The following AVEN variants were observed in gnomAD, a reference collection of about 807,000 sequenced individuals.
AVEN encodes cell death regulator Aven.
Under a neutral mutation model 38.1 loss-of-function variants are expected in AVEN, and 41 were observed. The ratio of observed to expected loss-of-function variants is 1.08; its 90% CI spans 0.84 to 1.40. The LOEUF (loss-of-function observed/expected upper bound fraction) is 1.40, where lower values mean the gene tolerates loss of function less well. Ranked by LOEUF, AVEN falls within the 40% of genes most tolerant of loss-of-function variation. AVEN has a pLI of 0.00. For missense variants in AVEN, 605 were observed against 438.8 expected, an observed-to-expected ratio of 1.38 and a Z score of -3.38; for synonymous variants, 206 against 171.8, an observed-to-expected ratio of 1.20 and a Z score of -1.56.
intron 2 of AVEN, among the ~76,000 whole-genome samples, chr15:33,896,893 T>C (rs571381858): frequency 6.6e-6 from 1 of 152,350 alleles, no homozygotes; most frequent in African/African-American, 2.4e-5. Context: ...AAAAGGTAGA[T>C]ATTGTGCCCA....
the AVEN span, chr15:33,853,470 G>T: frequency 6.7e-7 from 1 of 1,503,186 alleles, no homozygotes; most frequent in South Asian, 1.4e-5. Context: ...TGCCCATAGG[G>T]CAGCAAAGCT....
At chr15:33,891,009 T>C (rs1891926316) in intron 2 of AVEN, among the ~76,000 whole-genome samples, 1 of 151,732 alleles carries the variant, frequency 6.6e-6, no homozygotes, top group Non-Finnish European at 1.5e-5. Flanking sequence ...CTTGAGAGGC[T>C]GAGATGAGAG....
chr15:33,961,590 A>AG (rs1895168640), intron 2 of AVEN, among the ~76,000 whole-genome samples: 1 of 151,582 alleles, frequency 6.6e-6, no homozygotes, highest in African/African-American at 2.4e-5. Flanking sequence ...AAGGTGGGCG[A>AG]ATCACGAGGT....
At chr15:33,910,277 G>C (rs1219481086) in intron 2 of AVEN, among the ~76,000 whole-genome samples, 1 of 152,180 alleles carries the variant, frequency 6.6e-6, no homozygotes, top group African/African-American at 2.4e-5. Context: ...AAAAACAAGA[G>C]GGGAAGGTGT....
intron 2 of AVEN, among the ~76,000 whole-genome samples, chr15:33,945,641 A>C (rs1894477556): frequency 6.6e-6 from 1 of 152,062 alleles, no homozygotes; most frequent in South Asian, 2.1e-4. Context: ...GCTGGAGTGC[A>C]GTCGCGCAAT....
At position 33,867,650 on chromosome 15, in the gene AVEN, G is replaced by C. The variant is rs1000108469; in HGVS notation, c.818C>G (p.Ser273Cys). Reference protein sequence around the residue: ...GPSRDSQKPTSPLQSAGDHLE... With the variant: ...GPSRDSQKPTCPLQSAGDHLE... ...ATGGTCTCCTGCTGACTGCAGTGGG[G>C]AAGTGGGTTTCTGAGAATCCCTTGA... The change falls in exon 5 of 6, where the codon TCC becomes TGC. Residue 273 changes from serine (S) to cysteine (C), a missense_variant. Coordinates refer to ENST00000306730, the MANE Select transcript of AVEN (RefSeq NM_020371.3). 2 of 1,614,072 alleles carry C rather than the reference G, an allele frequency of 1.2e-6. No homozygotes were observed. Among genetic ancestry groups the C allele is most frequent in the African/African-American group, 2.7e-5 (2 of 74,926 alleles).
chr15:33,988,186 T>C (rs1896558815), intron 2 of AVEN, among the ~76,000 whole-genome samples: 1 of 152,204 alleles, frequency 6.6e-6, no homozygotes, highest in Admixed American at 6.5e-5. Flanking sequence ...ACACAGCTTC[T>C]TTTTTTGCAG....
chr15:34,068,881 G>A (rs1015834061), intron 2 of AVEN, among the ~76,000 whole-genome samples: 2 of 145,456 alleles, frequency 1.4e-5, no homozygotes, highest in African/African-American at 2.6e-5. Flanking sequence ...GCGCAATCTC[G>A]GCTCACTGCA....
chr15:33,991,150 A>C (rs1896703462), intron 2 of AVEN: 1 of 152,242 alleles, frequency 6.6e-6, no homozygotes, highest in African/African-American at 2.4e-5. Flanking sequence ...TCAAATGAGA[A>C]AAACATTACA....
intron 4 of AVEN, among the ~76,000 whole-genome samples, chr15:33,868,867 C>G: frequency 6.6e-6 from 1 of 152,116 alleles, no homozygotes; most frequent in Non-Finnish European, 1.5e-5. Context: ...CTTACATGTG[C>G]ACTTTTCTGA....
At chr15:34,060,908 G>A (rs991268825) in intron 5 of AVEN, among the ~76,000 whole-genome samples, 1 of 151,712 alleles carries the variant, frequency 6.6e-6, no homozygotes, top group African/African-American at 2.4e-5. Context: ...CCCAGCTACT[G>A]GGGAGGCTGA....
chr15:34,058,555 AACAC>A (rs3027963), intron 5 of AVEN, among the ~76,000 whole-genome samples: 2,502 of 143,268 alleles, frequency 0.017, 54 homozygotes, highest in African/African-American at 0.052. Context: ...CTTTAATTCT[AACAC>A]ACACACACAC....
Position 33,867,610 on chromosome 15 carries a change from T to A in AVEN, c.858A>T (p.Leu286=). The A allele has an allele frequency of 1.2e-6, 2 of 1,614,236 alleles. No individual in the cohort carries two copies. The highest frequency in any genetic ancestry group is 1.7e-6 in the Non-Finnish European group (2 of 1,180,048). The part of the protein sequence containing the change: ...QSAGDHLEEE[L]DLLLNLDAPI... ...GTGCATCTAAATTAAGCAACAGATC[T>A]AGTTCTTCTTCCAAATGGTCTCCTG... The change falls in exon 5 of 6, where the codon CTA becomes CTT. Residue 286 remains leucine, a synonymous_variant. Coordinates refer to ENST00000306730, the MANE Select transcript of AVEN (RefSeq NM_020371.3).
downstream of AVEN, chr15:33,865,133 A>T: frequency 6.2e-7 from 1 of 1,611,394 alleles, no homozygotes; most frequent in Non-Finnish European, 8.5e-7. Flanking sequence ...TATTTCAGGA[A>T]TCTTATGTCT....
chr15:34,017,490 T>TG (rs1242325886), intron 1 of AVEN, among the ~76,000 whole-genome samples: 5 of 82,656 alleles, frequency 6.0e-5, no homozygotes, highest in South Asian at 4.1e-4. Context: ...TTTTGTTTTT[T>TG]TTTTTTTTTT....
chr15:33,936,707 T>C (rs114852813), intron 2 of AVEN, among the ~76,000 whole-genome samples: 1 of 152,270 alleles, frequency 6.6e-6, no homozygotes, highest in African/African-American at 2.4e-5. Context: ...GGGCCACTAA[T>C]ACCCAAGACA....
chr15:34,058,146 G>C (rs554082023), intron 5 of AVEN, among the ~76,000 whole-genome samples: 1 of 152,046 alleles, frequency 6.6e-6, no homozygotes, highest in Non-Finnish European at 1.5e-5. Context: ...TCAAATGATC[G>C]AATGAGGCCT....
At chr15:33,890,134 G>A (rs1022927319) in intron 2 of AVEN, among the ~76,000 whole-genome samples, 2 of 152,060 alleles carry the variant, frequency 1.3e-5, no homozygotes, top group South Asian at 4.1e-4. Context: ...TGGTTTTCTG[G>A]TTTTTTTACT....
At position 33,892,981 on chromosome 15, in the gene AVEN, A is replaced by G. The variant is rs574844973; in HGVS notation, c.446-16986T>C. On this transcript the variant is annotated intron_variant, in intron 2 of 5. Transcript: ENST00000306730. ...TTCCTAGGTATTTTATTCTCTTTGT[A>G]GCAATTGTGAATGGGAGTTCACTCA... Among the ~76,000 whole-genome samples the G allele has an allele frequency of 7.9e-5, 12 of 152,184 alleles. No homozygotes were observed. In the South Asian group the frequency reaches 1.7e-3, roughly 21 times the overall value.
Sources: allele counts gnomAD v4.1 joint callset (sites outside exome capture counted in the v4.1 genomes callset), GRCh38; gene constraint gnomAD v4.1.1; transcripts MANE v1.5; gene names NCBI Gene and HGNC (gene_info 2026-07-23, HGNC 2026-07-21).